Variants in WDFY1 observed in about 807,000 individuals in gnomAD.
The protein encoded by WDFY1 is WD repeat and FYVE domain containing 1.
Under a neutral mutation model 56.4 loss-of-function variants are expected in WDFY1, and 32 were observed. That is an observed-to-expected ratio of 0.57 (90% CI 0.43 to 0.76). The LOEUF (loss-of-function observed/expected upper bound fraction) is 0.76. Ranked by LOEUF, WDFY1 falls within the 30% of genes least tolerant of loss-of-function variation. WDFY1 has a pLI of 0.00. For missense variants in WDFY1, 480 were observed against 545.7 expected (o/e 0.88, Z 1.20); for synonymous variants, 192 against 197.3 (o/e 0.97, Z 0.23).
intron 8 of WDFY1, among the ~76,000 whole-genome samples, chr2:223,892,061 G>C (rs1693288591): frequency 6.6e-6 from 1 of 152,120 alleles, no homozygotes; most frequent in Non-Finnish European, 1.5e-5. Flanking sequence ...TGCAACCTCT[G>C]CCTCCTGGGT....
chr2:223,881,541 G>A (rs1356046979), intron 10 of WDFY1, among the ~76,000 whole-genome samples: 4 of 152,182 alleles, frequency 2.6e-5, no homozygotes, highest in African/African-American at 7.2e-5. Flanking sequence ...TGTAATCCTG[G>A]CACTTTGAGA....
At position 223,876,710 on chromosome 2, in the gene WDFY1, C is replaced by T. The variant is rs903947496; in HGVS notation, c.*1961G>A. The T allele has an allele frequency of 2.0e-5, 3 of 152,110 alleles. No homozygotes were observed. Among genetic ancestry groups the T allele is most frequent in the Non-Finnish European group, 4.4e-5 (3 of 68,022 alleles). The allele number at this position is 152,110 out of a possible 1,614,324, so 9.4% of individuals were successfully genotyped here. ...AGTAAACTCAGCAGCTGTGATATTC[C>T]GTTCAATCTACCACAGATGTCAAAC... On this transcript the variant is annotated 3_prime_UTR_variant, in exon 12 of 12. Transcript: ENST00000233055.
At chr2:223,896,081 A>G (rs1693363579) in intron 6 of WDFY1, among the ~76,000 whole-genome samples, 1 of 143,500 alleles carries the variant, frequency 7.0e-6, no homozygotes, top group Non-Finnish European at 1.5e-5. Flanking sequence ...GCTTGAACCC[A>G]GGAGGTGGAA....
At position 223,895,545 on chromosome 2, in the gene WDFY1, G is replaced by A. The variant is rs752341628; in HGVS notation, c.684C>T (p.Ile228=). 1.4e-5 allele frequency: 22 copies of A among 1,613,782 alleles called. No individual in the cohort carries two copies. The highest frequency in any genetic ancestry group is 6.7e-5 in the African/African-American group (5 of 74,864). ...ACAGCGTCCGGCCTTTCCTTCCTCC[G>A]ATGTCCCACATGATGATGCTGTTGT... is the stretch of plus-strand genomic sequence containing the variant. The part of the protein sequence containing the change: ...ASDNSIIMWD[I]GGRKGRTLLL... Residue 228 remains isoleucine (I), a synonymous_variant, in exon 7 of 12, where the codon ATC becomes ATT. Transcript: ENST00000233055.
intron 1 of WDFY1, among the ~76,000 whole-genome samples, chr2:223,928,897 T>G (rs1039111379): frequency 6.6e-6 from 1 of 151,828 alleles, no homozygotes; most frequent in African/African-American, 2.4e-5. Context: ...CAGATGTTAT[T>G]GCAGGGGGGG....
Position 223,880,110 on chromosome 2 carries a change from A to C in WDFY1, c.1173+14T>G, listed in dbSNP as rs533848867. ...ATCTCAACTGAGATGCTGACAGACA[A>C]TTAGCCAGCTTACCTTTACAATGCG... On this transcript the variant is annotated intron_variant, in intron 11 of 11. Transcript: ENST00000233055. 1.4e-5 allele frequency: 23 copies of C among 1,607,522 alleles called. No individual in the cohort carries two copies. In the East Asian group the frequency reaches 4.9e-4, roughly 34 times the overall value.
At chr2:223,915,692 C>T (rs547468941) in intron 2 of WDFY1, among the ~76,000 whole-genome samples, 6 of 152,288 alleles carry the variant, frequency 3.9e-5, no homozygotes, top group Admixed American at 6.5e-5. Flanking sequence ...AGCACTGATA[C>T]GCGTTCCTCA....
intron 1 of WDFY1, among the ~76,000 whole-genome samples, chr2:223,929,529 T>C (rs1399321347): frequency 2.0e-5 from 3 of 152,152 alleles, no homozygotes; most frequent in African/African-American, 7.2e-5. Context: ...TGAACTGTTG[T>C]GGCACACACA....
chr2:223,917,811 A>G, intron 2 of WDFY1, 132 bp downstream of exon 2: 1 of 927,778 alleles, frequency 1.1e-6, no homozygotes, highest in Non-Finnish European at 1.6e-6. Context: ...ACCCCAGGTG[A>G]TCTACCCGCC....
chr2:223,944,002 C>A (rs916734873), intron 1 of WDFY1, among the ~76,000 whole-genome samples: 2 of 152,046 alleles, frequency 1.3e-5, no homozygotes, highest in African/African-American at 4.8e-5. Flanking sequence ...TTAGTTTACT[C>A]TGTCTGGTGA....
At chr2:223,902,305 T>C (rs1480651468) in intron 4 of WDFY1, among the ~76,000 whole-genome samples, 5 of 152,242 alleles carry the variant, frequency 3.3e-5, no homozygotes, top group African/African-American at 7.2e-5. Flanking sequence ...CTCACACCTA[T>C]AATCCCAGCA....
At chr2:223,933,757 G>A (rs987255281) in intron 1 of WDFY1, among the ~76,000 whole-genome samples, 5 of 151,386 alleles carry the variant, frequency 3.3e-5, no homozygotes, top group African/African-American at 1.2e-4. Flanking sequence ...ACGAGTTCAA[G>A]ACCAGCCTGG....
At chr2:223,884,797 T>G in intron 8 of WDFY1, 48 bp from the exon 9 acceptor site, 2 of 1,521,276 alleles carry the variant, frequency 1.3e-6, no homozygotes, top group Non-Finnish European at 1.8e-6. Context: ...CTATATTTAC[T>G]CCCATGTTTC....
intron 6 of WDFY1, among the ~76,000 whole-genome samples, chr2:223,896,183 A>AAAAAAAAAAAAT (rs1693372954): frequency 7.3e-6 from 1 of 137,320 alleles, no homozygotes; most frequent in African/African-American, 2.6e-5. Flanking sequence ...AAAAAAAAAA[A>AAAAAAAAAAAAT]CTGCTTGTAA....
chr2:223,919,186 C>T (rs546770625), intron 1 of WDFY1, among the ~76,000 whole-genome samples: 51 of 152,126 alleles, frequency 3.4e-4, no homozygotes, highest in Non-Finnish European at 6.2e-4. Flanking sequence ...ACTGCCAACT[C>T]GGTGACAATC....
At chr2:223,883,490 T>C (rs1440846729) in intron 9 of WDFY1, among the ~76,000 whole-genome samples, 1 of 152,198 alleles carries the variant, frequency 6.6e-6, no homozygotes, top group African/African-American at 2.4e-5. Context: ...CCATCAGCCA[T>C]GCATTGTGAG....
chr2:223,896,614 A>G (rs1311899320), intron 6 of WDFY1, among the ~76,000 whole-genome samples: 1 of 152,192 alleles, frequency 6.6e-6, no homozygotes, highest in Non-Finnish European at 1.5e-5. Flanking sequence ...CTGTTTGTCT[A>G]GAAGAAACAT....
chr2:223,923,503 T>C (rs1055672331), intron 1 of WDFY1, among the ~76,000 whole-genome samples: 1 of 152,182 alleles, frequency 6.6e-6, no homozygotes, highest in East Asian at 1.9e-4. Context: ...ATTAATAAAC[T>C]GTAATCCCAG....
At chr2:223,917,631 T>C (rs1693810545) in intron 2 of WDFY1, among the ~76,000 whole-genome samples, 2 of 152,238 alleles carry the variant, frequency 1.3e-5, no homozygotes, top group East Asian at 1.9e-4. Context: ...TGGAGTGCGG[T>C]GGAGCAACCT....
Sources: gnomAD v4.1 joint callset for allele counts (sites outside exome capture counted in the v4.1 genomes callset) on GRCh38, gnomAD v4.1.1 for gene constraint, MANE v1.5 for transcripts, NCBI Gene and HGNC (gene_info 2026-07-23, HGNC 2026-07-21) for gene names.